Variants in FAM171A1 observed in about 807,000 individuals in gnomAD.
FAM171A1 encodes the protein family with sequence similarity 171 member A1.
A neutral mutation model predicts 74.9 loss-of-function variants in FAM171A1; 23 were observed. The observed-to-expected ratio is 0.31, with a 90% confidence interval of 0.22 to 0.44. The LOEUF is 0.44. Ranked by LOEUF, FAM171A1 falls within the 20% of genes least tolerant of loss-of-function variation. The probability of loss-of-function intolerance (pLI) is 1.00; values close to 1 mark genes in which losing one functional copy is unlikely to be tolerated. For missense variants in FAM171A1, 1,162 were observed against 1,159.2 expected (o/e 1.00, Z -0.03); for synonymous variants, 527 against 505.7 (o/e 1.04, Z -0.57).
At chr10:15,328,125 G>A (rs1174650689) in intron 1 of FAM171A1, among the ~76,000 whole-genome samples, 1 of 149,632 alleles carries the variant, frequency 6.7e-6, no homozygotes, top group Non-Finnish European at 1.5e-5. Context: ...CCTTTCTAAA[G>A]ATAAATATTA....
intron 1 of FAM171A1, among the ~76,000 whole-genome samples, chr10:15,297,799 AG>A (rs1835178444): frequency 6.6e-6 from 1 of 152,226 alleles, no homozygotes; most frequent in Non-Finnish European, 1.5e-5. Context: ...TAAGTTAAAC[AG>A]CAGAAGTTCA....
At chr10:15,346,406 G>A (rs1271018284) in intron 1 of FAM171A1, among the ~76,000 whole-genome samples, 1 of 152,186 alleles carries the variant, frequency 6.6e-6, no homozygotes, top group African/African-American at 2.4e-5. Flanking sequence ...CCACAGGCAT[G>A]TTCTTATGGT....
At chr10:15,319,988 C>T (rs1835467776) in intron 1 of FAM171A1, among the ~76,000 whole-genome samples, 1 of 152,094 alleles carries the variant, frequency 6.6e-6, no homozygotes, top group Non-Finnish European at 1.5e-5. Context: ...ATTTTAGCTT[C>T]AGGGGTTTGT....
chr10:15,265,987 TAGA>T (rs1490545621), intron 3 of FAM171A1, among the ~76,000 whole-genome samples: 1 of 151,618 alleles, frequency 6.6e-6, no homozygotes, highest in African/African-American at 2.4e-5. Flanking sequence ...GCACAAGAGG[TAGA>T]ACGACCAGCT....
At chr10:15,325,704 A>G (rs1374278824) in intron 1 of FAM171A1, among the ~76,000 whole-genome samples, 1 of 151,844 alleles carries the variant, frequency 6.6e-6, no homozygotes, top group Non-Finnish European at 1.5e-5. Flanking sequence ...TGGACATCCC[A>G]TTTGTCTTAT....
Position 15,221,053 on chromosome 10 carries a change from C to T in FAM171A1, c.762G>A (p.Trp254Ter). Reference sequence around the variant, plus strand: ...GCACAAGACCCAGACCGCTCTTCAGCCACGTTCCTGTGGAATTGAGAAAGA... The same window carrying T: ...GCACAAGACCCAGACCGCTCTTCAGTCACGTTCCTGTGGAATTGAGAAAGA... ...AWRFDQKLGT[W>*]LKSGLGLVHQ... The change falls in exon 6 of 8, where the codon TGG (tryptophan) becomes TGA (stop). Residue 254 changes from tryptophan (W) to a stop codon, truncating the protein, a stop_gained. Transcript: ENST00000378116. LOFTEE classifies it high-confidence loss of function. 6.2e-7 allele frequency: 1 copy of T among 1,613,896 alleles called. No individual in the cohort carries two copies. Among genetic ancestry groups the T allele is most frequent in the Non-Finnish European group, 8.5e-7 (1 of 1,179,892 alleles).
intron 4 of FAM171A1, among the ~76,000 whole-genome samples, chr10:15,253,590 T>C (rs78960806): frequency 0.078 from 11,885 of 152,202 alleles, 1,219 homozygotes; most frequent in African/African-American, 0.23. Context: ...TGCTACAAAA[T>C]GGATCAAATG....
upstream of FAM171A1, among the ~76,000 whole-genome samples, chr10:15,372,967 AC>A (rs1836167765): frequency 6.6e-6 from 1 of 151,660 alleles, no homozygotes; most frequent in South Asian, 2.1e-4. Flanking sequence ...CCCATCATCC[AC>A]CCCACACTGC....
intron 3 of FAM171A1, among the ~76,000 whole-genome samples, chr10:15,260,689 T>C (rs1259944758): frequency 6.6e-6 from 1 of 152,242 alleles, no homozygotes; most frequent in African/African-American, 2.4e-5. Flanking sequence ...GTTCCAGTAA[T>C]GCTCTGTCTC....
chr10:15,330,643 T>C (rs1446684699), intron 1 of FAM171A1, among the ~76,000 whole-genome samples: 2 of 151,942 alleles, frequency 1.3e-5, no homozygotes, highest in African/African-American at 4.8e-5. Flanking sequence ...TTTTCTACTA[T>C]GGCCTAAAAA....
chr10:15,346,908 A>C (rs1157379640), intron 1 of FAM171A1, among the ~76,000 whole-genome samples: 1 of 152,166 alleles, frequency 6.6e-6, no homozygotes, highest in Non-Finnish European at 1.5e-5. Flanking sequence ...GCAGTGCCCG[A>C]GCCACTTTCT....
chr10:15,355,323 C>T (rs555537674), intron 1 of FAM171A1, among the ~76,000 whole-genome samples: 8 of 152,324 alleles, frequency 5.3e-5, no homozygotes, highest in Admixed American at 5.2e-4. Flanking sequence ...GATTCGCCCA[C>T]TTCAGCCTCC....
At chr10:15,357,743 T>C (rs530185359) in intron 1 of FAM171A1, among the ~76,000 whole-genome samples, 1 of 152,284 alleles carries the variant, frequency 6.6e-6, no homozygotes, top group Non-Finnish European at 1.5e-5. Flanking sequence ...AATGGATGGA[T>C]AGAAGGATGA....
At chr10:15,263,101 CCACTGA>C (rs1834682843) in intron 3 of FAM171A1, among the ~76,000 whole-genome samples, 1 of 152,212 alleles carries the variant, frequency 6.6e-6, no homozygotes, top group African/African-American at 2.4e-5. Flanking sequence ...AGGATGGAGA[CCACTGA>C]CCTGGGTGGT....
intron 1 of FAM171A1, among the ~76,000 whole-genome samples, chr10:15,352,853 G>A (rs1403533136): frequency 6.6e-6 from 1 of 152,194 alleles, no homozygotes; most frequent in Non-Finnish European, 1.5e-5. Context: ...TAATCTTTAG[G>A]TTTAGAGTAA....
intron 1 of FAM171A1, among the ~76,000 whole-genome samples, chr10:15,323,925 G>T (rs1301890807): frequency 1.3e-5 from 2 of 151,910 alleles, no homozygotes; most frequent in African/African-American, 4.8e-5. Flanking sequence ...CACTTTCAGT[G>T]CCACTAAAAA....
chr10:15,256,931 C>T lies in FAM171A1; in HGVS notation c.419-2052G>A, dbSNP rs754903949. On this transcript the variant is annotated intron_variant, in intron 3 of 7. Coordinates refer to ENST00000378116, the MANE Select transcript of FAM171A1 (RefSeq NM_001010924.2). Reference sequence around the variant, plus strand: ...AGCATTCTTTCTCATCTCCTCACTCCGGATGATATAACAACATTCATTGCT... The same window carrying T: ...AGCATTCTTTCTCATCTCCTCACTCTGGATGATATAACAACATTCATTGCT... 7.9e-5 allele frequency among the ~76,000 whole-genome samples: 12 copies of T among 152,148 alleles called. No individual in the cohort carries two copies. In the South Asian group the frequency reaches 1.0e-3, roughly 13 times the overall value.
intron 1 of FAM171A1, among the ~76,000 whole-genome samples, chr10:15,293,095 T>A (rs1348048219): frequency 1.3e-5 from 2 of 152,172 alleles, no homozygotes; most frequent in African/African-American, 4.8e-5. Flanking sequence ...GATGGAAACT[T>A]TGAGACAGTT....
chr10:15,281,628 G>A (rs760903704), intron 2 of FAM171A1, among the ~76,000 whole-genome samples: 1 of 152,162 alleles, frequency 6.6e-6, no homozygotes, highest in Non-Finnish European at 1.5e-5. Context: ...TTGGGAGGCC[G>A]AGGCAAGTGG....
Sources: gnomAD v4.1 joint callset for allele counts (sites outside exome capture counted in the v4.1 genomes callset) on GRCh38, gnomAD v4.1.1 for gene constraint, MANE v1.5 for transcripts, NCBI Gene and HGNC (gene_info 2026-07-23, HGNC 2026-07-21) for gene names.